Variants in TANC1 observed in about 807,000 individuals in gnomAD.
TANC1 encodes tetratricopeptide repeat, ankyrin repeat and coiled-coil containing 1.
A neutral mutation model predicts 149.7 loss-of-function variants in TANC1; 77 were observed. The observed-to-expected ratio is 0.51, with a 90% CI of 0.43 to 0.62. The LOEUF is 0.62. Ranked by LOEUF, TANC1 falls within the 20% of genes least tolerant of loss-of-function variation. The probability of loss-of-function intolerance (pLI) is 0.00; values close to 1 mark genes in which losing one functional copy is unlikely to be tolerated. For missense variants in TANC1, 1,985 were observed against 2,321.8 expected, an observed-to-expected ratio of 0.85 and a Z score of 2.98; for synonymous variants, 854 against 925.0, an observed-to-expected ratio of 0.92 and a Z score of 1.39.
intron 17 of TANC1, among the ~76,000 whole-genome samples, chr2:159,194,765 A>G (rs1378074945): frequency 6.6e-6 from 1 of 152,230 alleles, no homozygotes; most frequent in East Asian, 1.9e-4. Context: ...CCAGCCTTTA[A>G]AAAGCCTGCA....
At chr2:159,099,391 C>T (rs2046438566) in intron 4 of TANC1, among the ~76,000 whole-genome samples, 1 of 152,026 alleles carries the variant, frequency 6.6e-6, no homozygotes, top group East Asian at 1.9e-4. Context: ...ACTGGGTTAT[C>T]CTGATTGGAA....
At chr2:159,009,573 G>T (rs781442146) in intron 2 of TANC1, among the ~76,000 whole-genome samples, 1 of 152,160 alleles carries the variant, frequency 6.6e-6, no homozygotes, top group African/African-American at 2.4e-5. Context: ...GAGTAGAATA[G>T]TGGTTACTAG....
intron 2 of TANC1, among the ~76,000 whole-genome samples, chr2:159,063,418 G>A (rs897173011): frequency 6.6e-6 from 1 of 152,152 alleles, no homozygotes; most frequent in Non-Finnish European, 1.5e-5. Flanking sequence ...TTAAGTTCCA[G>A]TTATGGGTTT....
chr2:159,003,940 C>A, intron 2 of TANC1: 1 of 1,612,730 alleles, frequency 6.2e-7, no homozygotes, highest in Non-Finnish European at 8.5e-7. Flanking sequence ...ATAGAACAGC[C>A]ACAGCTGATG....
intron 4 of TANC1, among the ~76,000 whole-genome samples, chr2:159,125,039 A>ATT (rs2049271963): frequency 6.6e-6 from 1 of 152,152 alleles, no homozygotes; most frequent in Non-Finnish European, 1.5e-5. Context: ...CACCATGCCC[A>ATT]GCTGGTATTA....
At chr2:159,041,271 C>G (rs1035887561) in intron 2 of TANC1, among the ~76,000 whole-genome samples, 1 of 152,204 alleles carries the variant, frequency 6.6e-6, no homozygotes, top group Non-Finnish European at 1.5e-5. Flanking sequence ...TCTGTCCATT[C>G]TCAGAGCTCA....
intron 7 of TANC1, among the ~76,000 whole-genome samples, chr2:159,159,729 A>ATT (rs1559366998): frequency 9.7e-5 from 12 of 123,674 alleles, no homozygotes; most frequent in Non-Finnish European, 2.1e-4. Flanking sequence ...AGAGAGAGAG[A>ATT]GAGAGAGAGA....
intron 8 of TANC1, among the ~76,000 whole-genome samples, chr2:159,166,181 A>G (rs1351042698): frequency 6.6e-6 from 1 of 152,210 alleles, no homozygotes; most frequent in African/African-American, 2.4e-5. Flanking sequence ...AAGTTGGGTA[A>G]TGGGTTCTAT....
chr2:159,220,716 G>A (rs1337126010), intron 22 of TANC1, among the ~76,000 whole-genome samples: 1 of 152,040 alleles, frequency 6.6e-6, no homozygotes, highest in African/African-American at 2.4e-5. Flanking sequence ...TCAGCCCCCT[G>A]AGTAGCTGGG....
chr2:159,013,815 A>C (rs1022432835), intron 2 of TANC1, among the ~76,000 whole-genome samples: 1 of 152,090 alleles, frequency 6.6e-6, no homozygotes, highest in African/African-American at 2.4e-5. Context: ...GAATAACAGA[A>C]ATGTATTGTC....
At chr2:159,145,978 A>G (rs2052038141) in intron 5 of TANC1, among the ~76,000 whole-genome samples, 1 of 152,222 alleles carries the variant, frequency 6.6e-6, no homozygotes, top group Non-Finnish European at 1.5e-5. Flanking sequence ...AACTACATGA[A>G]TGAAAATAGA....
rs767658609 is a variant in TANC1 at position 159,065,875 on chromosome 2, C to T, written c.-15-21C>T. On this transcript the variant is annotated intron_variant, in intron 2 of 26. Coordinates refer to ENST00000263635, the MANE Select transcript of TANC1 (RefSeq NM_033394.3). ...ACTTTCAATGTTTAATTCCTCTTCTCTCTGTTTCTTTTCTCCTTAGAAACA... is the reference window on the plus strand; with the variant it reads ...ACTTTCAATGTTTAATTCCTCTTCTTTCTGTTTCTTTTCTCCTTAGAAACA... The T allele has an allele frequency of 3.8e-6, 6 of 1,595,136 alleles. 1 individual carries two copies. The highest frequency in any genetic ancestry group is 3.3e-5 in the South Asian group (3 of 90,658).
At chr2:159,180,647 C>T (rs1575121897) in intron 14 of TANC1, among the ~76,000 whole-genome samples, 1 of 152,326 alleles carries the variant, frequency 6.6e-6, no homozygotes, top group Middle Eastern at 3.4e-3. Context: ...GAAGCACCCA[C>T]TCCTGGGTGG....
At position 159,118,973 on chromosome 2, in the gene TANC1, G is replaced by T. The variant is rs528820713; in HGVS notation, c.260-17221G>T. Reference sequence around the variant, plus strand: ...AGACATCTTAAAGTAAAAAATCTCTGTAGTTACTTTGTTTGACATACTGTT... The same window carrying T: ...AGACATCTTAAAGTAAAAAATCTCTTTAGTTACTTTGTTTGACATACTGTT... On this transcript the variant is annotated intron_variant, in intron 4 of 26. Coordinates refer to ENST00000263635, the MANE Select transcript of TANC1 (RefSeq NM_033394.3). Among the ~76,000 whole-genome samples, 10 of 152,306 alleles carry T rather than the reference G, an allele frequency of 6.6e-5. No individual in the cohort carries two copies. In the South Asian group the frequency reaches 1.7e-3, roughly 25 times the overall value.
At chr2:159,021,295 T>C (rs1323074207) in intron 2 of TANC1, among the ~76,000 whole-genome samples, 3 of 152,314 alleles carry the variant, frequency 2.0e-5, no homozygotes, top group East Asian at 3.9e-4. Context: ...CTTAATTTGG[T>C]AGGTAGACAT....
At chr2:159,225,957 A>T in intron 24 of TANC1, 178 bp downstream of exon 24, 1 of 640,148 alleles carries the variant, frequency 1.6e-6, no homozygotes, top group African/African-American at 1.8e-5. Flanking sequence ...CGAGGTGGGC[A>T]GATCACTTGA....
chr2:159,194,635 C>G, intron 17 of TANC1, 142 bp downstream of exon 17: 2 of 737,940 alleles, frequency 2.7e-6, no homozygotes, highest in Non-Finnish European at 4.5e-6. Context: ...GGATTGGTCA[C>G]TTTGTAATGT....
intron 1 of TANC1, among the ~76,000 whole-genome samples, chr2:158,991,793 A>G (rs1468437916): frequency 6.6e-6 from 1 of 152,216 alleles, no homozygotes; most frequent in East Asian, 1.9e-4. Context: ...GACTAACACT[A>G]TACATTTTCA....
At chr2:159,088,847 G>A (rs545195582) in intron 3 of TANC1, among the ~76,000 whole-genome samples, 2 of 152,154 alleles carry the variant, frequency 1.3e-5, no homozygotes, top group East Asian at 3.9e-4. Context: ...CTGGAGGCCA[G>A]GCCATCTTAT....
Sources: allele counts gnomAD v4.1 joint callset (sites outside exome capture counted in the v4.1 genomes callset), GRCh38; gene constraint gnomAD v4.1.1; transcripts MANE v1.5; gene names NCBI Gene and HGNC (gene_info 2026-07-23, HGNC 2026-07-21).